NFIB: variants seen among roughly 807,000 people sequenced by gnomAD.
The protein encoded by NFIB is nuclear factor 1 B-type.
A neutral mutation model predicts 61.5 loss-of-function variants in NFIB; 11 were observed. The ratio of observed to expected loss-of-function variants is 0.18; its 90% confidence interval spans 0.11 to 0.30. The LOEUF (loss-of-function observed/expected upper bound fraction) is 0.30, where lower values mean the gene tolerates loss of function less well. Among genes scored for constraint, NFIB ranks in the 10% least tolerant of loss-of-function variants. The pLI, the probability that NFIB is intolerant of heterozygous loss-of-function variation, is 1.00. For synonymous variants in NFIB, 260 were observed against 216.5 expected, an observed-to-expected ratio of 1.20 and a Z score of -1.76; for missense variants, 471 against 608.9, an observed-to-expected ratio of 0.77 and a Z score of 2.38.
the NFIB span, among the ~76,000 whole-genome samples, chr9:14,517,768 T>TAA: frequency 6.6e-6 from 1 of 152,220 alleles, no homozygotes; most frequent in Non-Finnish European, 1.5e-5. Context: ...TGCCCTCACT[T>TAA]ACAGCATGAT....
intron 1 of NFIB, among the ~76,000 whole-genome samples, chr9:14,343,415 C>A (rs1277106171): frequency 6.6e-6 from 1 of 152,042 alleles, no homozygotes; most frequent in East Asian, 1.9e-4. Flanking sequence ...CCTTGCAGCC[C>A]AGTAGAGAGA....
At chr9:14,483,847 A>G in the NFIB span, among the ~76,000 whole-genome samples, 80 of 152,350 alleles carry the variant, frequency 5.3e-4, no homozygotes, top group African/African-American at 1.9e-3. Flanking sequence ...AAATGTTACA[A>G]GAAATAAACT....
chr9:14,263,408 C>A (rs2056951934), intron 2 of NFIB, among the ~76,000 whole-genome samples: 1 of 152,122 alleles, frequency 6.6e-6, no homozygotes, highest in Admixed American at 6.6e-5. Flanking sequence ...ATTAACAAAA[C>A]CAAGTACGTA....
At chr9:14,261,100 T>C (rs2056708751) in intron 2 of NFIB, among the ~76,000 whole-genome samples, 1 of 152,184 alleles carries the variant, frequency 6.6e-6, no homozygotes, top group Non-Finnish European at 1.5e-5. Flanking sequence ...GCAGATCACC[T>C]GATGTCAGGA....
intron 2 of NFIB, among the ~76,000 whole-genome samples, chr9:14,239,321 G>A (rs933956375): frequency 6.6e-6 from 1 of 152,232 alleles, no homozygotes; most frequent in South Asian, 2.1e-4. Flanking sequence ...CAAATCCACG[G>A]TGTAGAGAGG....
intron 2 of NFIB, among the ~76,000 whole-genome samples, chr9:14,279,100 A>G (rs1431806486): frequency 6.6e-6 from 1 of 152,070 alleles, no homozygotes; most frequent in Non-Finnish European, 1.5e-5. Flanking sequence ...TGTGCCTACA[A>G]TTCACAAAGC....
At chr9:14,516,551 A>G in the NFIB span, among the ~76,000 whole-genome samples, 1 of 152,202 alleles carries the variant, frequency 6.6e-6, no homozygotes, top group African/African-American at 2.4e-5. Context: ...TGCATGGGAA[A>G]TTATCTGTTC....
chr9:14,493,677 C>A, the NFIB span, among the ~76,000 whole-genome samples: 1 of 152,150 alleles, frequency 6.6e-6, no homozygotes, highest in Non-Finnish European at 1.5e-5. Flanking sequence ...AATATTGACT[C>A]TTGAAGGAAA....
At chr9:14,380,293 G>A (rs1444869534) in intron 1 of NFIB, among the ~76,000 whole-genome samples, 1 of 152,174 alleles carries the variant, frequency 6.6e-6, no homozygotes, top group East Asian at 1.9e-4. Flanking sequence ...CAATCACTGA[G>A]GTGATGAAGG....
At position 14,120,504 on chromosome 9, in the gene NFIB, T is replaced by C. The variant is rs2038777974; in HGVS notation, c.1181A>G (p.Asn394Ser). ...HPTIRYPPHL[N>S]PQDTLKNYVP... ...ATAGTTCTTCAGAGTATCCTGAGGA[T>C]TCAGGTGGGGAGGATATCTGATTGT... is the stretch of plus-strand genomic sequence containing the variant. Residue 394 changes from asparagine to serine, a missense_variant, in exon 8 of 11, where the codon AAT (asparagine) becomes AGT (serine). Transcript: ENST00000380953. The surrounding 1 kb of genome is among the most constrained non-coding windows in gnomAD (Gnocchi z 4.4). The C allele has an allele frequency of 2.5e-6, 4 of 1,614,128 alleles. No individual in the cohort carries two copies. Among genetic ancestry groups the C allele is most frequent in the African/African-American group, 1.3e-5 (1 of 75,030 alleles).
the NFIB span, among the ~76,000 whole-genome samples, chr9:14,424,935 C>T: frequency 6.6e-6 from 1 of 152,078 alleles, no homozygotes; most frequent in African/African-American, 2.4e-5. Context: ...ATAATCGTGG[C>T]AAGAAAGGGT....
At chr9:14,379,121 A>G (rs953319383) in intron 1 of NFIB, among the ~76,000 whole-genome samples, 1 of 152,196 alleles carries the variant, frequency 6.6e-6, no homozygotes, top group African/African-American at 2.4e-5. Flanking sequence ...ACCTCTCAGC[A>G]TATCTTACCA....
chr9:14,531,942 CTT>C, the NFIB span: 1 of 152,176 alleles, frequency 6.6e-6, no homozygotes, highest in Non-Finnish European at 1.5e-5. Context: ...TTACGCCAAA[CTT>C]ACCATCCACC....
At chr9:14,441,789 C>A in the NFIB span, among the ~76,000 whole-genome samples, 3 of 152,164 alleles carry the variant, frequency 2.0e-5, no homozygotes, top group South Asian at 6.2e-4. Context: ...GCTATCCATC[C>A]CTAGCCATAG....
chr9:14,432,479 CCTT>C, the NFIB span, among the ~76,000 whole-genome samples: 2 of 152,246 alleles, frequency 1.3e-5, no homozygotes, highest in Admixed American at 1.3e-4. Flanking sequence ...AACACAATCT[CCTT>C]CTTCAAATGA....
At chr9:14,412,029 A>G in the NFIB span, among the ~76,000 whole-genome samples, 7 of 152,316 alleles carry the variant, frequency 4.6e-5, no homozygotes, top group South Asian at 1.4e-3. Flanking sequence ...CCTTCAGATG[A>G]CTGCAGCCCT....
intron 3 of NFIB, among the ~76,000 whole-genome samples, chr9:14,164,212 G>C (rs1250646494): frequency 6.6e-6 from 1 of 152,040 alleles, no homozygotes; most frequent in Non-Finnish European, 1.5e-5. Flanking sequence ...GGGAAAAAGA[G>C]AAAGTAAAAA....
intron 2 of NFIB, among the ~76,000 whole-genome samples, chr9:14,202,128 T>TCTCA (rs148085046): frequency 2.2e-4 from 32 of 147,178 alleles, no homozygotes; most frequent in African/African-American, 5.5e-4. Context: ...TTGATACTTT[T>TCTCA]CACACACACA....
intron 2 of NFIB, among the ~76,000 whole-genome samples, chr9:14,185,167 C>G (rs2047208982): frequency 6.6e-6 from 1 of 152,010 alleles, no homozygotes; most frequent in Admixed American, 6.6e-5. Flanking sequence ...ATACATAAAT[C>G]AAGAGGGGAC....
Sources: gnomAD v4.1 joint callset for allele counts (sites outside exome capture counted in the v4.1 genomes callset) on GRCh38, gnomAD v4.1.1 for gene constraint, Gnocchi (gnomAD v3.1) non-coding constraint, MANE v1.5 for transcripts, NCBI Gene and HGNC (gene_info 2026-07-23, HGNC 2026-07-21) for gene names.